P2RX3: variants seen among roughly 807,000 people sequenced by gnomAD.
The protein encoded by P2RX3 is purinergic receptor P2X 3.
A neutral mutation model predicts 51.5 loss-of-function variants in P2RX3; 41 were observed. The observed-to-expected ratio is 0.80, with a 90% CI of 0.62 to 1.03. The LOEUF is 1.03. Ranked by LOEUF, P2RX3 falls within the 50% of genes least tolerant of loss-of-function variation. P2RX3 has a pLI of 0.00. For synonymous variants in P2RX3, 185 were observed against 191.6 expected (o/e 0.97, Z 0.29); for missense variants, 459 against 522.1 (o/e 0.88, Z 1.18).
intron 8 of P2RX3, among the ~76,000 whole-genome samples, chr11:57,353,837 TCCC>T (rs3837409): frequency 0.44 from 53,311 of 121,062 alleles, 12,948 homozygotes; most frequent in East Asian, 0.74. Flanking sequence ...CAAATGTCAC[TCCC>T]CCCCCCCCGC....
At chr11:57,367,914 AG>A in intron 8 of P2RX3, 94 bp from the exon 9 acceptor site, 1 of 941,094 alleles carries the variant, frequency 1.1e-6, no homozygotes, top group South Asian at 1.4e-5. Context: ...AGGGTTGCTC[AG>A]TGAGCCAAGA....
Position 57,338,457 on chromosome 11 carries a change from A to T in P2RX3, c.-94A>T. 1 of 745,774 alleles carries T rather than the reference A, an allele frequency of 1.3e-6. No individual in the cohort carries two copies. The highest frequency in any genetic ancestry group is 2.3e-6 in the Non-Finnish European group (1 of 441,012). The allele number at this position is 745,774 out of a possible 1,614,324, so 46.2% of individuals were successfully genotyped here. A position where few individuals can be genotyped will look rare whatever the true frequency, so the allele number is the denominator to read the frequency against. ...CCAACCCCTCTAAGCTGCCCCCTCC[A>T]GGTCGTGATCTCGTCTCCCTGTCCT... On this transcript the variant is annotated 5_prime_UTR_variant, in exon 1 of 12. Transcript: ENST00000263314.
chr11:57,348,494 A>C, intron 5 of P2RX3, 133 bp from the exon 6 acceptor site: 1 of 755,562 alleles, frequency 1.3e-6, no homozygotes, highest in Non-Finnish European at 2.2e-6. Context: ...CCTATAGCCC[A>C]CTCTCAAAGT....
At chr11:57,345,443 G>C (rs1371925092) in intron 1 of P2RX3, among the ~76,000 whole-genome samples, 2 of 152,198 alleles carry the variant, frequency 1.3e-5, no homozygotes, top group East Asian at 3.8e-4. Flanking sequence ...CTCGGGGAGG[G>C]AGGAGGGTTG....
At chr11:57,349,238 G>T (rs1472613762) in intron 6 of P2RX3, among the ~76,000 whole-genome samples, 1 of 151,656 alleles carries the variant, frequency 6.6e-6, no homozygotes, top group Non-Finnish European at 1.5e-5. Flanking sequence ...CGAGAAGGGT[G>T]GATCACGAGG....
In P2RX3 at chr11:57,350,917, G is replaced by A. The variant is rs1565066259; in HGVS notation, c.842+19G>A. ...ACTTCAGGTAATTCCCTGTCTCCTG[G>A]GACACCAGGAGAAGAAGGTGCGGGC... is the stretch of plus-strand genomic sequence containing the variant. On this transcript the variant is annotated intron_variant, in intron 8 of 11. Transcript: ENST00000263314. The A allele has an allele frequency of 6.2e-7, 1 of 1,613,990 alleles. No individual in the cohort carries two copies. The highest frequency in any genetic ancestry group is 1.1e-5 in the South Asian group (1 of 91,074).
intron 1 of P2RX3, among the ~76,000 whole-genome samples, chr11:57,339,923 G>C (rs1398552943): frequency 6.6e-6 from 1 of 152,176 alleles, no homozygotes; most frequent in Non-Finnish European, 1.5e-5. Context: ...GGCTTCAGTG[G>C]GCAGGTATTG....
At chr11:57,341,202 G>C (rs1047181910) in intron 1 of P2RX3, among the ~76,000 whole-genome samples, 2 of 152,234 alleles carry the variant, frequency 1.3e-5, no homozygotes, top group African/African-American at 2.4e-5. Context: ...AGGAGTAGGA[G>C]TGGGTGCAGG....
rs377436108 is a variant in P2RX3 at position 57,371,896 on chromosome 11, C to A, written c.*1899C>A. On this transcript the variant is annotated 3_prime_UTR_variant, in exon 12 of 12. Transcript: ENST00000263314. The stretch of plus-strand genomic sequence containing the variant: ...GTGGTGTCCTGAAGGGACCCTCCCC[C>A]CCAACCCCTCCCTTTTACCCAGATG... Among the ~76,000 whole-genome samples, 1 of 152,150 alleles carries A rather than the reference C, an allele frequency of 6.6e-6. No individual in the cohort carries two copies. Among genetic ancestry groups the A allele is most frequent in the Non-Finnish European group, 1.5e-5 (1 of 68,030 alleles).
chr11:57,340,305 G>T (rs1056736403), intron 1 of P2RX3, among the ~76,000 whole-genome samples: 1 of 152,188 alleles, frequency 6.6e-6, no homozygotes, highest in Non-Finnish European at 1.5e-5. Context: ...CCTTGTCTCT[G>T]TCTCATCATG....
At chr11:57,346,403 G>C (rs1047156271) in intron 1 of P2RX3, 141 bp from the exon 2 acceptor site, 1 of 950,302 alleles carries the variant, frequency 1.1e-6, no homozygotes, top group East Asian at 2.5e-5. Context: ...GCTCACTCTA[G>C]GTCTCACGCC....
chr11:57,370,000 C>A lies in P2RX3; in HGVS notation c.*3C>A, dbSNP rs777915700. 3 of 1,603,612 alleles carry A rather than the reference C, an allele frequency of 1.9e-6. No homozygotes were observed. Among genetic ancestry groups the A allele is most frequent in the Non-Finnish European group, 2.6e-6 (3 of 1,171,000 alleles). Reference sequence around the variant, plus strand: ...GGGCCTTCTCCATAGGCCACTAGGGCCTCTTTCCAGGGCCCCACACTCACA... The same window carrying A: ...GGGCCTTCTCCATAGGCCACTAGGGACTCTTTCCAGGGCCCCACACTCACA... On this transcript the variant is annotated 3_prime_UTR_variant, in exon 12 of 12. Transcript: ENST00000263314.
At chr11:57,344,143 A>T (rs1304792663) in intron 1 of P2RX3, among the ~76,000 whole-genome samples, 2 of 152,240 alleles carry the variant, frequency 1.3e-5, no homozygotes, top group Non-Finnish European at 2.9e-5. Context: ...GTGGTGCGTT[A>T]ATCAGGATGC....
chr11:57,348,725 T>C, intron 6 of P2RX3, 21 bp downstream of exon 6: 1 of 1,596,128 alleles, frequency 6.3e-7, no homozygotes, highest in Non-Finnish European at 8.6e-7. Flanking sequence ...ACTCCTTCCC[T>C]AAAGCCAAGA....
chr11:57,338,624 T>C lies in P2RX3; in HGVS notation c.74T>C (p.Ile25Thr). Reference protein sequence around the residue: ...SVVVKSWTIGIINRVVQLLII... With the variant: ...SVVVKSWTIGTINRVVQLLII... ...GTTGTGAAGAGCTGGACCATCGGGATCATCAACCGAGTAGTTCAGCTTCTG... is the reference window on the plus strand; with the variant it reads ...GTTGTGAAGAGCTGGACCATCGGGACCATCAACCGAGTAGTTCAGCTTCTG... The change falls in exon 1 of 12, where the codon ATC (isoleucine) becomes ACC (threonine). Residue 25 changes from isoleucine to threonine, a missense_variant. Transcript: ENST00000263314. 1.9e-6 allele frequency: 3 copies of C among 1,597,130 alleles called. No individual in the cohort carries two copies. Among genetic ancestry groups the C allele is most frequent in the Non-Finnish European group, 1.7e-6 (2 of 1,166,048 alleles).
At chr11:57,337,471 G>A (rs1052067214), upstream of P2RX3, among the ~76,000 whole-genome samples, 17 of 151,690 alleles carry the variant, frequency 1.1e-4, no homozygotes, top group African/African-American at 2.2e-4. Context: ...CATATACACC[G>A]TGGAATACTA....
intron 1 of P2RX3, among the ~76,000 whole-genome samples, chr11:57,340,894 G>A (rs931499638): frequency 6.6e-6 from 1 of 152,208 alleles, no homozygotes; most frequent in African/African-American, 2.4e-5. Context: ...TCTGCAAAGG[G>A]AAGGAGGCTG....
At chr11:57,358,013 C>T (rs1050922279) in intron 8 of P2RX3, among the ~76,000 whole-genome samples, 1 of 152,100 alleles carries the variant, frequency 6.6e-6, no homozygotes, top group Non-Finnish European at 1.5e-5. Flanking sequence ...GTTACGTGTC[C>T]CTGCTTTAAG....
Position 57,368,391 on chromosome 11 carries a change from T to A in P2RX3, c.956T>A (p.Ile319Asn). The A allele has an allele frequency of 6.2e-7, 1 of 1,614,010 alleles. No homozygotes were observed. ...ACACAGGCTGGCAAGTTCAACATCA[T>A]CCCCACCATCATCAGCTCTGTGGCG... is the stretch of plus-strand genomic sequence containing the variant. ...VYGNAGKFNIIPTIISSVAAF... is the reference protein window; with the variant it reads ...VYGNAGKFNINPTIISSVAAF... The change falls in exon 10 of 12, where the codon ATC becomes AAC. Residue 319 changes from isoleucine to asparagine, a missense_variant. Ile to Asn is a moderately radical substitution (Grantham distance 149). Coordinates refer to ENST00000263314, the MANE Select transcript of P2RX3 (RefSeq NM_002559.5).
Sources: gnomAD v4.1 joint callset for allele counts (sites outside exome capture counted in the v4.1 genomes callset) on GRCh38, gnomAD v4.1.1 for gene constraint, MANE v1.5 for transcripts, NCBI Gene and HGNC (gene_info 2026-07-23, HGNC 2026-07-21) for gene names.